The following KCNAB3 variants were observed in gnomAD, a reference collection of about 807,000 sequenced individuals.
KCNAB3 encodes the protein voltage-gated potassium channel subunit beta-3.
Under a neutral mutation model 67.7 loss-of-function variants are expected in KCNAB3, and 62 were observed. The ratio of observed to expected loss-of-function variants is 0.92; its 90% CI spans 0.75 to 1.13. The LOEUF (loss-of-function observed/expected upper bound fraction) is 1.13. Ranked by LOEUF, KCNAB3 falls within the 50% of genes most tolerant of loss-of-function variation. The pLI, the probability that KCNAB3 is intolerant of heterozygous loss-of-function variation, is 0.00. For missense variants in KCNAB3, 514 were observed against 522.9 expected, an observed-to-expected ratio of 0.98 and a Z score of 0.17; for synonymous variants, 212 against 205.4, an observed-to-expected ratio of 1.03 and a Z score of -0.27.
At position 7,929,168 on chromosome 17, in the gene KCNAB3, G is replaced by T; in HGVS notation, c.242+26C>A. 1 of 1,610,264 alleles carries T rather than the reference G, an allele frequency of 6.2e-7. No homozygotes were observed. The highest frequency in any genetic ancestry group is 8.5e-7 in the Non-Finnish European group (1 of 1,178,994). On this transcript the variant is annotated intron_variant, in intron 1 of 13. Transcript: ENST00000303790. This position sits in a 1 kb window ranked among gnomAD's most constrained non-coding sequence, Gnocchi z 5.7. ...GGGGTCCCGAAAGGAAAGCGGAAGG[G>T]GTGGGCTGCCCGGCCACCCCCATAC...
chr17:7,925,489 A>G (rs1373125734), intron 7 of KCNAB3, 194 bp downstream of exon 7: 3 of 645,856 alleles, frequency 4.6e-6, no homozygotes, highest in Non-Finnish European at 8.1e-6. Flanking sequence ...AGATCGTGCC[A>G]TTACACTCCA....
In KCNAB3 at chr17:7,929,258, G is replaced by C. The variant is rs1264371271; in HGVS notation, c.178C>G (p.Arg60Gly). The change falls in exon 1 of 14, where the codon CGA becomes GGA. Residue 60 changes from arginine to glycine, a missense_variant. Transcript: ENST00000303790. This position sits in a 1 kb window ranked among gnomAD's most constrained non-coding sequence, Gnocchi z 5.7. ...AGGGCCCCAGCGGGCGCTGGGGGTC[G>C]GGGAACCAGTGCAGCTCGGGCCTTG... ...GPKARAALVP[R>G]PPAPAGALRE... 6.2e-7 allele frequency: 1 copy of C among 1,607,508 alleles called. No homozygotes were observed. The highest frequency in any genetic ancestry group is 8.5e-7 in the Non-Finnish European group (1 of 1,177,720).
At position 7,923,447 on chromosome 17, in the gene KCNAB3, C is replaced by A; in HGVS notation, c.1137+9G>T. 2 of 1,605,168 alleles carry A rather than the reference C, an allele frequency of 1.2e-6. No individual in the cohort carries two copies. Among genetic ancestry groups the A allele is most frequent in the East Asian group, 4.5e-5 (2 of 44,012 alleles). ...ACAGATAGGCTCTGCCTCTGAGTCC[C>A]CGGCTCACCTGTAGCGCGCCCAGGT... is the stretch of plus-strand genomic sequence containing the variant. On this transcript the variant is annotated intron_variant, in intron 13 of 13. Transcript: ENST00000303790.
rs1010875030 is a variant in KCNAB3 at position 7,929,346 on chromosome 17, G to GC, written c.89dup (p.Gly31ArgfsTer2). On this transcript the variant is annotated frameshift_variant, in exon 1 of 14. Transcript: ENST00000303790. LOFTEE classifies it high-confidence loss of function. This position sits in a 1 kb window ranked among gnomAD's most constrained non-coding sequence, Gnocchi z 5.7. ...CCCCGCCGGCCGGCCCACCATTACC[G>GC]CCCCCGGGGCCCGGCCGGGGTCCAC... 3.2e-6 allele frequency: 5 copies of GC among 1,549,284 alleles called. No homozygotes were observed. The African/African-American group carries it at 6.9e-5, about 21-fold the overall frequency.
chr17:7,926,217 A>C (rs1972226150), intron 4 of KCNAB3, 114 bp from the exon 5 acceptor site: 1 of 1,194,588 alleles, frequency 8.4e-7, no homozygotes, highest in Non-Finnish European at 1.2e-6. Context: ...AGTCCATTTC[A>C]GCTCACAGCC....
Position 7,929,745 on chromosome 17 carries a change from T to G in KCNAB3, c.-310A>C. 8.3e-7 allele frequency: 1 copy of G among 1,206,964 alleles called. No individual in the cohort carries two copies. The allele number at this position is 1,206,964 out of a possible 1,614,324, so 74.8% of individuals were successfully genotyped here. ...GTAAAGGTCGAGGATGAGGTAAAGGTCTCGGAGGATAAGGACCCAGGGGGA... is the reference window on the plus strand; with the variant it reads ...GTAAAGGTCGAGGATGAGGTAAAGGGCTCGGAGGATAAGGACCCAGGGGGA... On this transcript the variant is annotated 5_prime_UTR_variant, in exon 1 of 14. Coordinates refer to ENST00000303790, the MANE Select transcript of KCNAB3 (RefSeq NM_004732.4). The surrounding 1 kb of genome is among the most constrained non-coding windows in gnomAD (Gnocchi z 5.7).
Position 7,929,833 on chromosome 17 carries a change from C to CTT in KCNAB3, c.-399_-398insAA. 10 of 1,028,754 alleles carry CTT rather than the reference C, an allele frequency of 9.7e-6. No homozygotes were observed. The South Asian group carries it at 1.0e-4, about 11-fold the overall frequency. The allele number at this position is 1,028,754 out of a possible 1,614,324, so 63.7% of individuals were successfully genotyped here. A position where few individuals can be genotyped will look rare whatever the true frequency, so the allele number is the denominator to read the frequency against. ...GCTGCGGGACCCGCTGGGCTCCCAG[C>CTT]CGCGTCGGCAGCGGGCCCAGCTCAT... On this transcript the variant is annotated 5_prime_UTR_variant, in exon 1 of 14. Transcript: ENST00000303790. The surrounding 1 kb of genome is among the most constrained non-coding windows in gnomAD (Gnocchi z 5.7).
intron 6 of KCNAB3, 31 bp from the exon 7 acceptor site, chr17:7,925,757 G>A (rs764335012): frequency 2.3e-5 from 37 of 1,613,730 alleles, no homozygotes; most frequent in Non-Finnish European, 5.9e-6. Context: ...AAGATGAGAT[G>A]TGACAAAGAT....
chr17:7,925,970 G>T lies in KCNAB3; in HGVS notation c.455C>A (p.Ser152Ter). Residue 152 changes from serine (S) to a stop codon, truncating the protein, a stop_gained, in exon 6 of 14, where the codon TCA becomes TAA. Coordinates refer to ENST00000303790, the MANE Select transcript of KCNAB3 (RefSeq NM_004732.4). LOFTEE classifies it high-confidence loss of function. ...NILKSKGWRRSSYVITTKIFW... is the reference protein window; with the variant it reads ...NILKSKGWRR ...AATCTTGGTAGTGATGACATAGCTT[G>T]ATCTCCTGGAAGAATAGAAATGGGA... is the stretch of plus-strand genomic sequence containing the variant. The T allele has an allele frequency of 2.5e-6, 4 of 1,611,878 alleles. No homozygotes were observed. Among genetic ancestry groups the T allele is most frequent in the Non-Finnish European group, 3.4e-6 (4 of 1,179,228 alleles).
Position 7,924,281 on chromosome 17 carries a change from G to A in KCNAB3, c.712-16C>T. ...AGTAGGCCTCCTGGGTTGGGGTTGG[G>A]GAAAAGAAAGTGGTCAGAGCACTAC... On this transcript the variant is annotated splice_polypyrimidine_tract_variant and intron_variant, in intron 9 of 13. Coordinates refer to ENST00000303790, the MANE Select transcript of KCNAB3 (RefSeq NM_004732.4). 2 of 1,613,908 alleles carry A rather than the reference G, an allele frequency of 1.2e-6. No homozygotes were observed. The highest frequency in any genetic ancestry group is 1.7e-6 in the Non-Finnish European group (2 of 1,179,912).
intron 4 of KCNAB3, among the ~76,000 whole-genome samples, chr17:7,926,658 C>T (rs1015485733): frequency 6.6e-6 from 1 of 152,134 alleles, no homozygotes; most frequent in Non-Finnish European, 1.5e-5. Flanking sequence ...AATGTTTTAC[C>T]GTTGTTTAAT....
At chr17:7,928,127 T>C in intron 1 of KCNAB3, 2 of 535,920 alleles carry the variant, frequency 3.7e-6, no homozygotes, top group East Asian at 3.2e-5. Context: ...TGGGGTCTTG[T>C]CTGTGTTTGA....
chr17:7,926,388 A>G (rs1598036019), intron 4 of KCNAB3, among the ~76,000 whole-genome samples: 1 of 152,308 alleles, frequency 6.6e-6, no homozygotes, highest in South Asian at 2.1e-4. Flanking sequence ...GGGGCCAACT[A>G]TGGTGGAGCC....
In KCNAB3 at chr17:7,929,810, TGCGGG is replaced by T; in HGVS notation, c.-380_-376del. 142 of 1,029,946 alleles carry T rather than the reference TGCGGG, an allele frequency of 1.4e-4. No individual in the cohort carries two copies. The highest frequency in any genetic ancestry group is 1.0e-3 in the Admixed American group (18 of 17,152). The allele number at this position is 1,029,946 out of a possible 1,614,324, so 63.8% of individuals were successfully genotyped here. A position where few individuals can be genotyped will look rare whatever the true frequency, so the allele number is the denominator to read the frequency against. On this transcript the variant is annotated 5_prime_UTR_variant, in exon 1 of 14. Coordinates refer to ENST00000303790, the MANE Select transcript of KCNAB3 (RefSeq NM_004732.4). This position sits in a 1 kb window ranked among gnomAD's most constrained non-coding sequence, Gnocchi z 5.7. The stretch of plus-strand genomic sequence containing the variant: ...GAGATGCCACTTCAGCGCGAACCGC[TGCGGG>T]ACCCGCTGGGCTCCCAGCCGCGTCG...
At chr17:7,925,209 A>G in intron 7 of KCNAB3, 26 bp from the exon 8 acceptor site, 1 of 1,585,594 alleles carries the variant, frequency 6.3e-7, no homozygotes, top group Non-Finnish European at 8.7e-7. Flanking sequence ...GGAGAAGAAA[A>G]TAAGCACCTC....
rs751948440 is a variant in KCNAB3, at chr17:7,929,136, A to C, written c.242+58T>G. ...AGGGGTCTTGGCGGCCATCTCAAGCAGTCTCAGGGGTCCCGAAAGGAAAGC... is the reference window on the plus strand; with the variant it reads ...AGGGGTCTTGGCGGCCATCTCAAGCCGTCTCAGGGGTCCCGAAAGGAAAGC... On this transcript the variant is annotated intron_variant, in intron 1 of 13. Coordinates refer to ENST00000303790, the MANE Select transcript of KCNAB3 (RefSeq NM_004732.4). The surrounding 1 kb of genome is among the most constrained non-coding windows in gnomAD (Gnocchi z 5.7). The C allele has an allele frequency of 1.3e-6, 2 of 1,587,810 alleles. No homozygotes were observed. Among genetic ancestry groups the C allele is most frequent in the Non-Finnish European group, 1.7e-6 (2 of 1,170,470 alleles).
chr17:7,924,919 CA>C, intron 8 of KCNAB3, 177 bp downstream of exon 8: 1 of 602,004 alleles, frequency 1.7e-6, no homozygotes, highest in South Asian at 2.2e-5. Context: ...AATTTTAAAA[CA>C]TTTTTTGTAG....
chr17:7,925,253 C>T (rs1271776670), intron 7 of KCNAB3, 70 bp from the exon 8 acceptor site: 34 of 1,256,912 alleles, frequency 2.7e-5, no homozygotes, highest in African/African-American at 1.5e-4. Context: ...GGCCACCAGG[C>T]GTGGTGGCTC....
chr17:7,926,402 A>C (rs1033072206), intron 4 of KCNAB3, among the ~76,000 whole-genome samples: 3 of 152,204 alleles, frequency 2.0e-5, no homozygotes, highest in Non-Finnish European at 4.4e-5. Context: ...TGGAGCCAGG[A>C]AGGACACTGC....
Sources: gnomAD v4.1 joint callset for allele counts (sites outside exome capture counted in the v4.1 genomes callset) on GRCh38, gnomAD v4.1.1 for gene constraint, Gnocchi (gnomAD v3.1) non-coding constraint, MANE v1.5 for transcripts, NCBI Gene and HGNC (gene_info 2026-07-23, HGNC 2026-07-21) for gene names.